ANO4: variants seen among roughly 807,000 people sequenced by gnomAD.
The protein encoded by ANO4 is anoctamin-4.
ANO4 carries 69 observed loss-of-function variants against 141.9 expected under a neutral mutation model. That is an observed-to-expected ratio of 0.49 (90% CI 0.40 to 0.59). ANO4 has a LOEUF of 0.59. Among genes scored for constraint, ANO4 ranks in the 20% least tolerant of loss-of-function variants. The pLI is 0.00. For missense variants in ANO4, 894 were observed against 1,162.2 expected, an observed-to-expected ratio of 0.77 and a Z score of 3.36; for synonymous variants, 350 against 394.3, an observed-to-expected ratio of 0.89 and a Z score of 1.33.
At chr12:100,874,918 A>G (rs1344262821) in intron 1 of ANO4, among the ~76,000 whole-genome samples, 1 of 152,120 alleles carries the variant, frequency 6.6e-6, no homozygotes, top group East Asian at 1.9e-4. Context: ...TATTTCCCCA[A>G]TGCCTGTACC....
intron 1 of ANO4, among the ~76,000 whole-genome samples, chr12:100,728,126 T>C (rs2031217224): frequency 6.6e-6 from 1 of 152,194 alleles, no homozygotes; most frequent in African/African-American, 2.4e-5. Flanking sequence ...CCCACATATT[T>C]ACAAGAATTC....
chr12:100,725,430 T>C (rs543059822), intron 1 of ANO4, among the ~76,000 whole-genome samples: 20 of 146,020 alleles, frequency 1.4e-4, no homozygotes, highest in African/African-American at 4.1e-4. Flanking sequence ...CACTGCAAGC[T>C]CCGCCTTCCG....
chr12:100,890,326 C>T (rs926827899), intron 1 of ANO4, among the ~76,000 whole-genome samples: 2 of 152,184 alleles, frequency 1.3e-5, no homozygotes, highest in East Asian at 3.9e-4. Flanking sequence ...CTATTGCTTC[C>T]CTATTTAATA....
At chr12:101,010,574 G>C (rs572983515) in intron 8 of ANO4, among the ~76,000 whole-genome samples, 41 of 152,186 alleles carry the variant, frequency 2.7e-4, no homozygotes, top group African/African-American at 9.2e-4. Flanking sequence ...CCCAGAAAAC[G>C]CTCAAAATAG....
chr12:100,958,028 T>C (rs1034251246), intron 5 of ANO4, among the ~76,000 whole-genome samples: 1 of 152,176 alleles, frequency 6.6e-6, no homozygotes, highest in Non-Finnish European at 1.5e-5. Flanking sequence ...TAAATCATTA[T>C]TTCATGTCCC....
At chr12:101,068,499 G>T (rs547089432) in intron 14 of ANO4, 1 of 1,049,204 alleles carries the variant, frequency 9.5e-7, no homozygotes, top group Non-Finnish European at 1.5e-6. Context: ...AGTAAAGATC[G>T]CAACTTTCAT....
rs2034211014 is a variant in ANO4 at position 100,794,982 on chromosome 12, T to C, written c.-186T>C. The C allele has an allele frequency of 6.5e-6, 1 of 152,728 alleles. No individual in the cohort carries two copies. Among genetic ancestry groups the C allele is most frequent in the Non-Finnish European group, 1.5e-5 (1 of 68,090 alleles). The allele number at this position is 152,728 out of a possible 1,614,324, so 9.5% of individuals were successfully genotyped here. On this transcript the variant is annotated 5_prime_UTR_variant, in exon 1 of 28. Transcript: ENST00000392977. ...CTTTCTGCCGAAGACACCAAGGCAC[T>C]GAGGAAGGATCCCTTCTCCTTCTGT...
intron 3 of ANO4, among the ~76,000 whole-genome samples, chr12:100,934,451 G>A (rs138723655): frequency 2.2e-3 from 330 of 152,174 alleles, no homozygotes; most frequent in Middle Eastern, 6.8e-3. Flanking sequence ...CGTTCCATTG[G>A]TCTATATTTT....
At chr12:100,863,286 C>T (rs2038578596) in intron 1 of ANO4, among the ~76,000 whole-genome samples, 1 of 152,058 alleles carries the variant, frequency 6.6e-6, no homozygotes, top group Admixed American at 6.6e-5. Flanking sequence ...CAGAGGGTGC[C>T]TTAAGAGGAT....
chr12:100,890,318 A>G (rs981233408), intron 1 of ANO4, among the ~76,000 whole-genome samples: 2 of 152,220 alleles, frequency 1.3e-5, no homozygotes, highest in East Asian at 1.9e-4. Context: ...CCATCTCTCT[A>G]TTGCTTCCCT....
intron 5 of ANO4, among the ~76,000 whole-genome samples, chr12:100,965,222 C>T (rs2043599547): frequency 6.6e-6 from 1 of 152,152 alleles, no homozygotes; most frequent in South Asian, 2.1e-4. Context: ...TCCAGTTCCC[C>T]AGGCCAAATA....
At chr12:101,016,848 G>C (rs1279924630) in intron 8 of ANO4, among the ~76,000 whole-genome samples, 8 of 152,188 alleles carry the variant, frequency 5.3e-5, no homozygotes, top group Non-Finnish European at 1.2e-4. Flanking sequence ...CCCTGTGAAG[G>C]TGATTACAGT....
At chr12:101,066,635 G>C in intron 14 of ANO4, 2 of 551,944 alleles carry the variant, frequency 3.6e-6, no homozygotes, top group South Asian at 4.8e-5. Flanking sequence ...TGCTGGGAGA[G>C]TATCCATGGC....
At chr12:100,795,258 G>GCT (rs34230932) in intron 1 of ANO4, among the ~76,000 whole-genome samples, 9,918 of 152,146 alleles carry the variant, frequency 0.065, 952 homozygotes, top group African/African-American at 0.21. Context: ...GAATATAAGT[G>GCT]CTCTGTCTTT....
intron 9 of ANO4, among the ~76,000 whole-genome samples, chr12:101,029,476 G>A (rs2136542861): frequency 6.6e-6 from 1 of 152,246 alleles, no homozygotes; most frequent in East Asian, 1.9e-4. Flanking sequence ...ATAAAGGATG[G>A]AGGAAAATTT....
intron 22 of ANO4, among the ~76,000 whole-genome samples, chr12:101,102,364 T>C (rs1229911661): frequency 6.6e-6 from 1 of 152,202 alleles, no homozygotes; most frequent in African/African-American, 2.4e-5. Flanking sequence ...GTTCCAGTTA[T>C]TCCACAAACT....
At chr12:100,943,766 T>C (rs1322092991) in intron 5 of ANO4, among the ~76,000 whole-genome samples, 2 of 152,224 alleles carry the variant, frequency 1.3e-5, no homozygotes, top group Non-Finnish European at 2.9e-5. Flanking sequence ...ATCTTTCCTA[T>C]ACAAACTGAG....
chr12:101,006,510 A>G (rs922832427), intron 8 of ANO4, among the ~76,000 whole-genome samples: 2 of 152,256 alleles, frequency 1.3e-5, no homozygotes, highest in African/African-American at 4.8e-5. Flanking sequence ...CATTTTGCAG[A>G]ACGTTCATTA....
chr12:101,083,890 G>T, intron 16 of ANO4, 72 bp downstream of exon 16: 4 of 1,336,958 alleles, frequency 3.0e-6, no homozygotes, highest in Admixed American at 3.0e-5. Flanking sequence ...AATCATATTG[G>T]GCATTTGCAT....
Sources: gnomAD v4.1 joint callset for allele counts (sites outside exome capture counted in the v4.1 genomes callset) on GRCh38, gnomAD v4.1.1 for gene constraint, MANE v1.5 for transcripts, NCBI Gene and HGNC (gene_info 2026-07-23, HGNC 2026-07-21) for gene names.